Variants in HS6ST3 observed in about 807,000 individuals in gnomAD.
HS6ST3 encodes the protein heparan sulfate 6-O-sulfotransferase 3, also known as heparan-sulfate 6-O-sulfotransferase 3.
Under a neutral mutation model 36.7 loss-of-function variants are expected in HS6ST3, and 12 were observed. The ratio of observed to expected loss-of-function variants is 0.33; its 90% confidence interval spans 0.21 to 0.53. HS6ST3 has a LOEUF of 0.53. Among genes scored for constraint, HS6ST3 ranks in the 20% least tolerant of loss-of-function variants. The pLI, the probability that HS6ST3 is intolerant of heterozygous loss-of-function variation, is 0.95. For missense variants in HS6ST3, 584 were observed against 640.9 expected, an observed-to-expected ratio of 0.91 and a Z score of 0.96; for synonymous variants, 240 against 257.5, an observed-to-expected ratio of 0.93 and a Z score of 0.65.
At position 96,104,349 on chromosome 13, in the gene HS6ST3, T is replaced by C. The variant is rs1021027748; in HGVS notation, c.707+12780T>C. Among the ~76,000 whole-genome samples, 11 of 152,322 alleles carry C rather than the reference T, an allele frequency of 7.2e-5. No individual in the cohort carries two copies. In the East Asian group the frequency reaches 1.7e-3, roughly 24 times the overall value. ...CTGATCAACTCCAGGATATGACAGA[T>C]TTCCATGGCTTGAGACCTGGAATAC... On this transcript the variant is annotated intron_variant, in intron 1 of 1. Transcript: ENST00000376705.
chr13:96,540,285 T>G (rs2056172985), intron 1 of HS6ST3, among the ~76,000 whole-genome samples: 1 of 152,238 alleles, frequency 6.6e-6, no homozygotes, highest in Non-Finnish European at 1.5e-5. Flanking sequence ...TGTAAGCTAC[T>G]TTCCAAGACA....
intron 1 of HS6ST3, among the ~76,000 whole-genome samples, chr13:96,441,162 T>C (rs912357695): frequency 2.0e-5 from 3 of 152,204 alleles, no homozygotes; most frequent in African/African-American, 7.2e-5. Context: ...GCTGGCACCC[T>C]GATCTTAGAT....
intron 1 of HS6ST3, among the ~76,000 whole-genome samples, chr13:96,266,541 C>T (rs944523435): frequency 6.6e-6 from 1 of 152,072 alleles, no homozygotes; most frequent in Non-Finnish European, 1.5e-5. Context: ...TCAAATTTTG[C>T]TCATCTTTTT....
intron 1 of HS6ST3, among the ~76,000 whole-genome samples, chr13:96,331,230 C>T (rs1449847625): frequency 6.6e-6 from 1 of 152,216 alleles, no homozygotes; most frequent in Non-Finnish European, 1.5e-5. Context: ...TGAGGAACTG[C>T]GTTCCTTTGG....
At chr13:96,299,066 ATGTAC>A (rs1188230474) in intron 1 of HS6ST3, among the ~76,000 whole-genome samples, 1 of 152,186 alleles carries the variant, frequency 6.6e-6, no homozygotes, top group Non-Finnish European at 1.5e-5. Context: ...AAAAGTCCAA[ATGTAC>A]TGTTTCTTTG....
chr13:96,650,517 C>G lies in HS6ST3; in HGVS notation c.708-181973C>G, dbSNP rs578245563. On this transcript the variant is annotated intron_variant, in intron 1 of 1. Transcript: ENST00000376705. Reference sequence around the variant, plus strand: ...AATGAGTCACTTTTGGGGTTTTTCTCTAGAAGCTGAGGCTGGGATGAGGGA... The same window carrying G: ...AATGAGTCACTTTTGGGGTTTTTCTGTAGAAGCTGAGGCTGGGATGAGGGA... Among the ~76,000 whole-genome samples, 10 of 152,022 alleles carry G rather than the reference C, an allele frequency of 6.6e-5. No individual in the cohort carries two copies. In the South Asian group the frequency reaches 2.1e-3, roughly 32 times the overall value.
chr13:96,656,607 G>A (rs2056625798), intron 1 of HS6ST3, among the ~76,000 whole-genome samples: 1 of 152,090 alleles, frequency 6.6e-6, no homozygotes, highest in South Asian at 2.1e-4. Flanking sequence ...AAGGCTTTGG[G>A]CTCAAGGTCA....
intron 1 of HS6ST3, among the ~76,000 whole-genome samples, chr13:96,126,592 C>G (rs941600928): frequency 3.3e-5 from 5 of 152,068 alleles, no homozygotes; most frequent in Non-Finnish European, 7.4e-5. Context: ...TGCTGGGGCT[C>G]CATGCACATA....
chr13:96,295,539 A>G (rs1382990077), intron 1 of HS6ST3, among the ~76,000 whole-genome samples: 2 of 152,130 alleles, frequency 1.3e-5, no homozygotes, highest in African/African-American at 2.4e-5. Flanking sequence ...GCTCTCTTTA[A>G]AAAATAGTGC....
Position 96,528,593 on chromosome 13 carries a change from C to T in HS6ST3, c.708-303897C>T, listed in dbSNP as rs148139828. Among the ~76,000 whole-genome samples the T allele has an allele frequency of 2.3e-3, 343 of 152,228 alleles. 5 individuals are homozygous for T. The East Asian group carries it at 0.058, about 26-fold the overall frequency. On this transcript the variant is annotated intron_variant, in intron 1 of 1. Transcript: ENST00000376705. Reference sequence around the variant, plus strand: ...ATGTTTAATACGTAATATCAAAAATCATCTCTGGGTAAAAGATTCATTTAA... The same window carrying T: ...ATGTTTAATACGTAATATCAAAAATTATCTCTGGGTAAAAGATTCATTTAA...
chr13:96,739,813 A>T (rs532416803), intron 1 of HS6ST3, among the ~76,000 whole-genome samples: 1 of 152,046 alleles, frequency 6.6e-6, no homozygotes, highest in Non-Finnish European at 1.5e-5. Context: ...CCCTTCAATT[A>T]CTTCCTATAT....
In HS6ST3 at chr13:96,836,637, A is replaced by T. The variant is rs569181596; in HGVS notation, c.*3439A>T. The T allele has an allele frequency of 1.2e-3, 176 of 152,206 alleles. No homozygotes were observed. The highest frequency in any genetic ancestry group is 3.2e-3 in the African/African-American group (134 of 41,540). The allele number at this position is 152,206 out of a possible 1,614,324, so 9.4% of individuals were successfully genotyped here. A position where few individuals can be genotyped will look rare whatever the true frequency, so the allele number is the denominator to read the frequency against. ...TTGTTATGCCTTTAAGGTAATTTTT[A>T]AAAAAAATCTGAGTAGAGATAGTAC... On this transcript the variant is annotated 3_prime_UTR_variant, in exon 2 of 2. Transcript: ENST00000376705.
At chr13:96,476,449 G>A (rs895780127) in intron 1 of HS6ST3, among the ~76,000 whole-genome samples, 63 of 152,020 alleles carry the variant, frequency 4.1e-4, no homozygotes, top group African/African-American at 1.3e-3. Flanking sequence ...TGCAACCTCC[G>A]CCTCCCAGGT....
At chr13:96,164,521 C>T (rs541041526) in intron 1 of HS6ST3, among the ~76,000 whole-genome samples, 5 of 151,278 alleles carry the variant, frequency 3.3e-5, no homozygotes, top group African/African-American at 9.7e-5. Flanking sequence ...CCCACCACTG[C>T]ACTCTAGCCT....
At chr13:96,354,271 G>A (rs1028929702) in intron 1 of HS6ST3, among the ~76,000 whole-genome samples, 1 of 152,098 alleles carries the variant, frequency 6.6e-6, no homozygotes. Context: ...GCAGAACACT[G>A]GTTGCTATAA....
chr13:96,593,990 CTT>C (rs1052519880), intron 1 of HS6ST3, among the ~76,000 whole-genome samples: 7 of 150,550 alleles, frequency 4.6e-5, no homozygotes, highest in African/African-American at 1.5e-4. Flanking sequence ...GAATTTCGCT[CTT>C]GTTTCCCAGG....
intron 1 of HS6ST3, among the ~76,000 whole-genome samples, chr13:96,275,124 G>A (rs1043341641): frequency 2.6e-5 from 4 of 152,146 alleles, no homozygotes; most frequent in African/African-American, 9.6e-5. Context: ...CTATGATGAA[G>A]GGTTGTGTTG....
chr13:96,452,375 T>C (rs1332513843), intron 1 of HS6ST3, among the ~76,000 whole-genome samples: 1 of 152,160 alleles, frequency 6.6e-6, no homozygotes, highest in African/African-American at 2.4e-5. Flanking sequence ...ATTACAAAGT[T>C]CTCCTTTTTT....
At chr13:96,400,294 C>T (rs564683931) in intron 1 of HS6ST3, among the ~76,000 whole-genome samples, 10 of 143,912 alleles carry the variant, frequency 6.9e-5, no homozygotes, top group African/African-American at 2.5e-4. Context: ...TATAGACACA[C>T]ACAGACACAC....
Sources: allele counts gnomAD v4.1 joint callset (sites outside exome capture counted in the v4.1 genomes callset), GRCh38; gene constraint gnomAD v4.1.1; transcripts MANE v1.5; gene names NCBI Gene and HGNC (gene_info 2026-07-23, HGNC 2026-07-21).